NPHP4: variants seen among roughly 807,000 people sequenced by gnomAD.
NPHP4 encodes the protein nephrocystin 4, also known as nephrocystin-4.
Under a neutral mutation model 155.8 loss-of-function variants are expected in NPHP4, and 151 were observed. That is an observed-to-expected ratio of 0.97 (90% CI 0.85 to 1.11). The LOEUF (loss-of-function observed/expected upper bound fraction) is 1.11, where lower values mean the gene tolerates loss of function less well. NPHP4 is among the 50% of genes least tolerant of loss of function. The pLI, the probability that NPHP4 is intolerant of heterozygous loss-of-function variation, is 0.00. For missense variants in NPHP4, 1,956 were observed against 1,925.7 expected, an observed-to-expected ratio of 1.02 and a Z score of -0.29; for synonymous variants, 845 against 816.8, an observed-to-expected ratio of 1.03 and a Z score of -0.59.
In NPHP4 at chr1:5,867,232, C is replaced by T. The variant is rs1641334245; in HGVS notation, c.3473-117G>A. On this transcript the variant is annotated intron_variant, in intron 24 of 29. Coordinates refer to ENST00000378156, the MANE Select transcript of NPHP4 (RefSeq NM_015102.5). The surrounding 1 kb of genome is among the most constrained non-coding windows in gnomAD (Gnocchi z 4.1). ...GGCTCGTCACAGGTGCTCAGCAAGA[C>T]ACCTGCTGGGGAAACGGACGCCGCC... The T allele has an allele frequency of 1.3e-6, 1 of 745,404 alleles. No individual in the cohort carries two copies. The highest frequency in any genetic ancestry group is 2.2e-6 in the Non-Finnish European group (1 of 449,168). 46.2% of individuals were successfully genotyped at this position (745,404 alleles called of 1,614,324 possible).
intron 16 of NPHP4, among the ~76,000 whole-genome samples, chr1:5,900,942 G>A (rs1418955406): frequency 1.3e-5 from 2 of 152,184 alleles, no homozygotes; most frequent in South Asian, 4.1e-4. Context: ...GGCTAAGGTG[G>A]GAGGATTGTT....
chr1:5,991,855 G>A (rs1656385094), intron 1 of NPHP4, among the ~76,000 whole-genome samples: 1 of 150,996 alleles, frequency 6.6e-6, no homozygotes, highest in African/African-American at 2.4e-5. Flanking sequence ...CGCGGACTAG[G>A]GCGCGGGGAG....
intron 6 of NPHP4, among the ~76,000 whole-genome samples, chr1:5,960,133 T>C (rs1400513384): frequency 6.6e-6 from 1 of 152,204 alleles, no homozygotes; most frequent in East Asian, 1.9e-4. Flanking sequence ...CTCTGTCTCC[T>C]TCTTCCTTTC....
At chr1:5,937,242 T>A (rs1328752930) in intron 9 of NPHP4, among the ~76,000 whole-genome samples, 3 of 152,076 alleles carry the variant, frequency 2.0e-5, no homozygotes, top group Non-Finnish European at 4.4e-5. Context: ...CACCTGGGGT[T>A]TCCTGGGGAG....
intron 5 of NPHP4, among the ~76,000 whole-genome samples, chr1:5,965,228 C>T (rs547839558): frequency 3.1e-4 from 47 of 152,022 alleles, no homozygotes; most frequent in African/African-American, 1.0e-3. Flanking sequence ...CCACTGCACC[C>T]GGCACTTTTT....
chr1:5,943,723 A>T (rs1433050568), intron 9 of NPHP4, among the ~76,000 whole-genome samples: 1 of 152,228 alleles, frequency 6.6e-6, no homozygotes, highest in African/African-American at 2.4e-5. Context: ...GTTTCTTATT[A>T]AGTAAAATAC....
chr1:5,912,537 C>CA (rs752371714), intron 11 of NPHP4, among the ~76,000 whole-genome samples: 1,638 of 76,938 alleles, frequency 0.021, 32 homozygotes, highest in African/African-American at 0.05. Flanking sequence ...GACTCCGTCT[C>CA]AAAAAAAAAA....
In NPHP4 at chr1:5,875,114, G is replaced by A. The variant is rs1403445608; in HGVS notation, c.2818-14C>T. The A allele has an allele frequency of 5.1e-6, 8 of 1,571,138 alleles. No homozygotes were observed. In the Admixed American group the frequency reaches 1.2e-4, roughly 24 times the overall value. ...GCTCTGCTGCGCCTGCAGACAAGAG[G>A]ACATGGGTGGACAGGGTCCCAGGCA... On this transcript the variant is annotated splice_polypyrimidine_tract_variant and intron_variant, in intron 20 of 29. Transcript: ENST00000378156.
At chr1:5,973,330 C>G (rs1381485245) in intron 3 of NPHP4, among the ~76,000 whole-genome samples, 1 of 152,260 alleles carries the variant, frequency 6.6e-6, no homozygotes, top group Non-Finnish European at 1.5e-5. Flanking sequence ...AGTTCTCCCT[C>G]TGGCCTAAAG....
At chr1:5,906,054 T>A (rs1644899998) in intron 13 of NPHP4, among the ~76,000 whole-genome samples, 1 of 152,236 alleles carries the variant, frequency 6.6e-6, no homozygotes, top group Non-Finnish European at 1.5e-5. Flanking sequence ...ATCCTATATT[T>A]CACGTGGCAA....
At chr1:5,897,517 G>A (rs1396522185) in intron 16 of NPHP4, among the ~76,000 whole-genome samples, 3 of 152,164 alleles carry the variant, frequency 2.0e-5, no homozygotes, top group Admixed American at 2.0e-4. Flanking sequence ...GCTTTCAGCC[G>A]TCGCTCCCGG....
At chr1:5,909,521 C>T (rs1645074934) in intron 11 of NPHP4, among the ~76,000 whole-genome samples, 1 of 152,196 alleles carries the variant, frequency 6.6e-6, no homozygotes, top group Non-Finnish European at 1.5e-5. Context: ...ACACGCTTCT[C>T]CTCACTAGTC....
intron 7 of NPHP4, among the ~76,000 whole-genome samples, chr1:5,951,309 G>A (rs1647986420): frequency 6.6e-6 from 1 of 152,350 alleles, no homozygotes; most frequent in East Asian, 1.9e-4. Flanking sequence ...AGGGTGTGAC[G>A]TGAAGAGGAC....
chr1:5,887,261 A>C, intron 18 of NPHP4, 25 bp downstream of exon 18: 1 of 1,599,542 alleles, frequency 6.3e-7, no homozygotes, highest in Non-Finnish European at 8.5e-7. Context: ...CGCTGGAGAA[A>C]TGGCACAAGG....
Position 5,875,119 on chromosome 1 carries a change from G to T in NPHP4, c.2818-19C>A, listed in dbSNP as rs1334272739. The T allele has an allele frequency of 2.6e-6, 4 of 1,559,976 alleles. No individual in the cohort carries two copies. The highest frequency in any genetic ancestry group is 4.6e-5 in the East Asian group (2 of 43,274). ...GCTGCGCCTGCAGACAAGAGGACAT[G>T]GGTGGACAGGGTCCCAGGCACACTC... On this transcript the variant is annotated intron_variant, in intron 20 of 29. Transcript: ENST00000378156.
At position 5,879,808 on chromosome 1, in the gene NPHP4, C is replaced by T. The variant is rs1416489171; in HGVS notation, c.2611+306G>A. ...ACACACACACACGCAAACACACACA[C>T]ACACGCAAACACACACACACACGCA... On this transcript the variant is annotated intron_variant, in intron 19 of 29. Transcript: ENST00000378156. Among the ~76,000 whole-genome samples, 14 of 118,856 alleles carry T rather than the reference C, an allele frequency of 1.2e-4. No homozygotes were observed. In the East Asian group the frequency reaches 5.8e-3, roughly 49 times the overall value. The allele number at this position is 118,856 out of a possible 152,430, so 78.0% of individuals were successfully genotyped here. A position where few individuals can be genotyped will look rare whatever the true frequency, so the allele number is the denominator to read the frequency against.
rs1570570713 is a variant in NPHP4, at chr1:5,945,305, C to T, written c.1119+1799G>A. The stretch of plus-strand genomic sequence containing the variant: ...TCCGCTCACTCCCCAGCCTGGGCAG[C>T]CCCATCCCTCCCCATGAGCCACACC... On this transcript the variant is annotated intron_variant, in intron 9 of 29. Transcript: ENST00000378156. Among the ~76,000 whole-genome samples, 4 of 152,032 alleles carry T rather than the reference C, an allele frequency of 2.6e-5. No individual in the cohort carries two copies. In the South Asian group the frequency reaches 8.3e-4, roughly 32 times the overall value.
rs991738468 is a variant in NPHP4, at chr1:5,868,320, C to T, written c.3316-424G>A. On this transcript the variant is annotated intron_variant, in intron 23 of 29. Transcript: ENST00000378156. ...GCAGGGCCAAGTTCGCGGTCAAGCA[C>T]GTCAGCACAAGCTCTTTGATTCCAG... is the stretch of plus-strand genomic sequence containing the variant. 14 of 322,212 alleles carry T rather than the reference C, an allele frequency of 4.3e-5. No individual in the cohort carries two copies. In the East Asian group the frequency reaches 5.8e-4, roughly 13 times the overall value. 20.0% of individuals were successfully genotyped at this position (322,212 alleles called of 1,614,324 possible).
In NPHP4 at chr1:5,933,207, C is replaced by G. The variant is rs759629633; in HGVS notation, c.1242G>C (p.Gln414His). Residue 414 changes from glutamine to histidine, a missense_variant, in exon 10 of 30, where the codon CAG (glutamine) becomes CAC (histidine). Physicochemically the swap from Gln to His is conservative, Grantham distance 24 (BLOSUM62 0). Transcript: ENST00000378156. Reference sequence around the variant, plus strand: ...AGACCAGACAGTGCGAGGGGTTGGGCTGGATCCCACCCTGCAGAGGCAGGG... The same window carrying G: ...AGACCAGACAGTGCGAGGGGTTGGGGTGGATCCCACCCTGCAGAGGCAGGG... Reference protein sequence around the residue: ...RVTLPLQGGIQPNPSHCLVYK... With the variant: ...RVTLPLQGGIHPNPSHCLVYK... 1 of 1,613,834 alleles carries G rather than the reference C, an allele frequency of 6.2e-7. No individual in the cohort carries two copies. Among genetic ancestry groups the G allele is most frequent in the Non-Finnish European group, 8.5e-7 (1 of 1,179,782 alleles).
Sources: gnomAD v4.1 joint callset for allele counts (sites outside exome capture counted in the v4.1 genomes callset) on GRCh38, gnomAD v4.1.1 for gene constraint, Gnocchi (gnomAD v3.1) non-coding constraint, MANE v1.5 for transcripts, NCBI Gene and HGNC (gene_info 2026-07-23, HGNC 2026-07-21) for gene names.